Variants in ST8SIA1 observed in about 807,000 individuals in gnomAD.
The protein encoded by ST8SIA1 is alpha-N-acetylneuraminide alpha-2,8-sialyltransferase.
ST8SIA1 carries 16 observed loss-of-function variants against 35.9 expected under a neutral mutation model. That is an observed-to-expected ratio of 0.45 (90% confidence interval 0.30 to 0.68). The LOEUF (loss-of-function observed/expected upper bound fraction) is 0.68. Among genes scored for constraint, ST8SIA1 ranks in the 30% least tolerant of loss-of-function variants. The pLI is 0.09. For missense variants in ST8SIA1, 383 were observed against 453.6 expected (o/e 0.84, Z 1.41); for synonymous variants, 170 against 169.6 (o/e 1.00, Z -0.02).
intron 3 of ST8SIA1, among the ~76,000 whole-genome samples, chr12:22,250,164 C>T (rs554593278): frequency 7.9e-5 from 12 of 152,324 alleles, no homozygotes; most frequent in African/African-American, 2.4e-4. Flanking sequence ...CTTATGAATG[C>T]TTACAATGGG....
intron 2 of ST8SIA1, among the ~76,000 whole-genome samples, chr12:22,281,948 G>A (rs888411305): frequency 1.3e-5 from 2 of 152,012 alleles, no homozygotes; most frequent in Non-Finnish European, 2.9e-5. Context: ...GTGGAGGCTT[G>A]CAGTGAGCCA....
intron 1 of ST8SIA1, among the ~76,000 whole-genome samples, chr12:22,295,596 T>C (rs1028301629): frequency 6.6e-6 from 1 of 151,978 alleles, no homozygotes; most frequent in Admixed American, 6.6e-5. Flanking sequence ...TAGCCTGATG[T>C]GGCGATGCAT....
At chr12:22,287,669 G>A (rs1383035760) in intron 1 of ST8SIA1, among the ~76,000 whole-genome samples, 1 of 152,112 alleles carries the variant, frequency 6.6e-6, no homozygotes, top group Non-Finnish European at 1.5e-5. Context: ...GAGCTATTCA[G>A]CTACAGCAGA....
chr12:22,317,595 G>C (rs1866536990), intron 1 of ST8SIA1, among the ~76,000 whole-genome samples: 1 of 152,196 alleles, frequency 6.6e-6, no homozygotes, highest in Admixed American at 6.5e-5. Context: ...TCCATAGACT[G>C]CCTGAGTGGC....
chr12:22,204,037 T>A (rs971381066), intron 4 of ST8SIA1, among the ~76,000 whole-genome samples: 1 of 152,142 alleles, frequency 6.6e-6, no homozygotes, highest in Non-Finnish European at 1.5e-5. Flanking sequence ...TCTGCATCCA[T>A]CTCTCACCAC....
chr12:22,304,584 T>G (rs904134768), intron 1 of ST8SIA1, among the ~76,000 whole-genome samples: 2 of 152,180 alleles, frequency 1.3e-5, no homozygotes, highest in Non-Finnish European at 2.9e-5. Context: ...TTAAACTATT[T>G]GCTTTTGTAT....
chr12:22,238,867 T>C (rs1865506340), intron 4 of ST8SIA1, among the ~76,000 whole-genome samples: 1 of 152,212 alleles, frequency 6.6e-6, no homozygotes, highest in South Asian at 2.1e-4. Context: ...ACATACTCTT[T>C]TTCTGAGGTA....
intron 4 of ST8SIA1, among the ~76,000 whole-genome samples, chr12:22,226,646 T>G (rs1057164875): frequency 6.6e-6 from 1 of 152,116 alleles, no homozygotes; most frequent in African/African-American, 2.4e-5. Context: ...TCTCTCTGAG[T>G]TTTTTTCCTC....
chr12:22,245,319 T>C (rs1030521432), intron 4 of ST8SIA1, among the ~76,000 whole-genome samples: 1 of 152,236 alleles, frequency 6.6e-6, no homozygotes, highest in Non-Finnish European at 1.5e-5. Flanking sequence ...TAAAATTTCA[T>C]ATTTTTTCCA....
At chr12:22,293,517 T>C (rs369012827) in intron 1 of ST8SIA1, among the ~76,000 whole-genome samples, 5 of 152,350 alleles carry the variant, frequency 3.3e-5, no homozygotes, top group South Asian at 4.1e-4. Context: ...GTTCCTAAAA[T>C]TTCTTTTAGA....
intron 1 of ST8SIA1, among the ~76,000 whole-genome samples, chr12:22,322,765 T>C (rs909975543): frequency 2.0e-5 from 3 of 152,208 alleles, no homozygotes; most frequent in African/African-American, 7.2e-5. Context: ...AATATCATCA[T>C]GGAATTTTTG....
chr12:22,258,339 A>G (rs771876253), intron 2 of ST8SIA1, among the ~76,000 whole-genome samples: 4 of 152,126 alleles, frequency 2.6e-5, no homozygotes, highest in African/African-American at 9.7e-5. Context: ...AAGTGAATAC[A>G]TGACTATGCA....
chr12:22,264,001 C>T (rs539261293), intron 2 of ST8SIA1, among the ~76,000 whole-genome samples: 17 of 152,278 alleles, frequency 1.1e-4, no homozygotes, highest in African/African-American at 2.9e-4. Flanking sequence ...ACTCAACTCA[C>T]ACATCTAATT....
At chr12:22,202,791 A>G (rs954464639) in intron 4 of ST8SIA1, among the ~76,000 whole-genome samples, 2 of 152,368 alleles carry the variant, frequency 1.3e-5, no homozygotes, top group East Asian at 3.9e-4. Flanking sequence ...CAAGAAAGCT[A>G]CAGAGTGGGA....
At chr12:22,305,054 GA>G (rs1428833295) in intron 1 of ST8SIA1, among the ~76,000 whole-genome samples, 1 of 152,186 alleles carries the variant, frequency 6.6e-6, no homozygotes, top group Non-Finnish European at 1.5e-5. Flanking sequence ...AGATTATCAA[GA>G]GTTTGCAAGT....
chr12:22,264,517 C>T (rs963688632), intron 2 of ST8SIA1, among the ~76,000 whole-genome samples: 4 of 152,180 alleles, frequency 2.6e-5, no homozygotes, highest in African/African-American at 9.7e-5. Context: ...TTGGCTTTTT[C>T]AGTCATTTAA....
At chr12:22,260,275 C>T (rs1865774656) in intron 2 of ST8SIA1, among the ~76,000 whole-genome samples, 1 of 151,988 alleles carries the variant, frequency 6.6e-6, no homozygotes, top group Non-Finnish European at 1.5e-5. Context: ...AATCCTCCTG[C>T]CTCAGCTTCC....
At chr12:22,225,688 T>C (rs1243483781) in intron 4 of ST8SIA1, among the ~76,000 whole-genome samples, 2 of 152,192 alleles carry the variant, frequency 1.3e-5, no homozygotes, top group African/African-American at 4.8e-5. Context: ...CTGTTACCAA[T>C]CAAATGTTTT....
At chr12:22,246,092 A>G (rs1865598603) in intron 4 of ST8SIA1, among the ~76,000 whole-genome samples, 1 of 152,064 alleles carries the variant, frequency 6.6e-6, no homozygotes, top group Admixed American at 6.5e-5. Flanking sequence ...AAACCCATAA[A>G]GAGAGTTGGG....
Sources: gnomAD v4.1 joint callset for allele counts (sites outside exome capture counted in the v4.1 genomes callset) on GRCh38, gnomAD v4.1.1 for gene constraint, MANE v1.5 for transcripts, NCBI Gene and HGNC (gene_info 2026-07-23, HGNC 2026-07-21) for gene names.